EIF4A1: variants seen among roughly 807,000 people sequenced by gnomAD.
EIF4A1 encodes the protein eukaryotic initiation factor 4A-I.
A neutral mutation model predicts 53.5 loss-of-function variants in EIF4A1; 11 were observed. The ratio of observed to expected loss-of-function variants is 0.21; its 90% CI spans 0.13 to 0.34. EIF4A1 has a LOEUF of 0.34. Ranked by LOEUF, EIF4A1 falls within the 10% of genes least tolerant of loss-of-function variation. EIF4A1 has a pLI of 1.00. For synonymous variants in EIF4A1, 237 were observed against 186.7 expected (o/e 1.27, Z -2.20); for missense variants, 213 against 530.8 (o/e 0.40, Z 5.88).
At position 7,577,717 on chromosome 17, in the gene EIF4A1, C is replaced by T. The variant is rs2071420169; in HGVS notation, c.906+11C>T. 6.2e-7 allele frequency: 1 copy of T among 1,613,500 alleles called. No homozygotes were observed. The highest frequency in any genetic ancestry group is 8.5e-7 in the Non-Finnish European group (1 of 1,179,960). ...ACTGTATCCGCCATGGTGTGTTTGC[C>T]CGCTGCCAGCCTGTTGTGGGTCTGC... On this transcript the variant is annotated intron_variant, in intron 8 of 10. Transcript: ENST00000293831. This position sits in a 1 kb window ranked among gnomAD's most constrained non-coding sequence, Gnocchi z 4.7.
intron 5 of EIF4A1, 164 bp downstream of exon 5, chr17:7,576,856 C>A: frequency 7.1e-7 from 1 of 1,405,326 alleles, no homozygotes; most frequent in Non-Finnish European, 1.0e-6. Flanking sequence ...TCTGGCTTCC[C>A]TGCCAGTGCA....
At chr17:7,574,204 G>C (rs1429060474) in intron 1 of EIF4A1, 56 bp from the exon 2 acceptor site, 2 of 1,609,832 alleles carry the variant, frequency 1.2e-6, no homozygotes, top group African/African-American at 2.7e-5. Flanking sequence ...CCGGCTGTCA[G>C]GATTTCTGAG....
chr17:7,574,425 G>GGGAGGA, intron 2 of EIF4A1, 117 bp downstream of exon 2: 1 of 1,604,502 alleles, frequency 6.2e-7, no homozygotes, highest in African/African-American at 1.3e-5. Context: ...TTTCCCTAAA[G>GGGAGGA]GGAGGAGGGT....
At chr17:7,573,331 G>A (rs2071350917) in intron 1 of EIF4A1, 1 of 216,436 alleles carries the variant, frequency 4.6e-6, no homozygotes, top group African/African-American at 2.4e-5. Context: ...CAGTCACTTC[G>A]TCGCGGCTAA....
chr17:7,577,759 A>G lies in EIF4A1; in HGVS notation c.906+53A>G, dbSNP rs180694194. 188 of 1,613,404 alleles carry G rather than the reference A, an allele frequency of 1.2e-4. No homozygotes were observed. In the Middle Eastern group the frequency reaches 1.3e-3, roughly 11 times the overall value. On this transcript the variant is annotated intron_variant, in intron 8 of 10. Transcript: ENST00000293831. The surrounding 1 kb of genome is among the most constrained non-coding windows in gnomAD (Gnocchi z 4.7). ...TGGGTCTGCCCGTCAGAAGTGTCCT[A>G]CTTGAAGCCAGGGTTCCTGGAACCC...
chr17:7,576,298 A>G (rs1025431916), intron 4 of EIF4A1: 23 of 460,860 alleles, frequency 5.0e-5, no homozygotes, highest in Admixed American at 1.2e-4. Context: ...ATTGTGAATC[A>G]CTGTACACTC....
intron 4 of EIF4A1, 68 bp downstream of exon 4, chr17:7,575,326 A>G (rs1260845162): frequency 6.2e-7 from 1 of 1,606,360 alleles, no homozygotes; most frequent in South Asian, 1.1e-5. Context: ...CAAGGACCAG[A>G]GAAGTCTTCT....
At position 7,578,155 on chromosome 17, in the gene EIF4A1, C is replaced by T; in HGVS notation, c.997-10C>T. 1 of 1,614,168 alleles carries T rather than the reference C, an allele frequency of 6.2e-7. No individual in the cohort carries two copies. The highest frequency in any genetic ancestry group is 1.1e-5 in the South Asian group (1 of 91,084). On this transcript the variant is annotated splice_polypyrimidine_tract_variant and intron_variant, in intron 9 of 10. Transcript: ENST00000293831. ...GTGCACATGCTGAAGAGTTGTCTTT[C>T]TTGACGTAGGCCAGAGGCATTGATG...
chr17:7,577,208 T>C lies in EIF4A1; in HGVS notation c.624+43T>C. ...TGAATAGCTAATGATTCTTGAAAAA[T>C]AGTAAGTGCCAGGGGAACCATATAC... On this transcript the variant is annotated intron_variant, in intron 6 of 10. Coordinates refer to ENST00000293831, the MANE Select transcript of EIF4A1 (RefSeq NM_001416.4). This position sits in a 1 kb window ranked among gnomAD's most constrained non-coding sequence, Gnocchi z 4.7. 2 of 1,566,866 alleles carry C rather than the reference T, an allele frequency of 1.3e-6. No individual in the cohort carries two copies.
At position 7,578,474 on chromosome 17, in the gene EIF4A1, T is replaced by G; in HGVS notation, c.1209T>G (p.Ala403=). The change falls in exon 11 of 11, where the codon GCT becomes GCG. Residue 403 remains alanine, a synonymous_variant. Coordinates refer to ENST00000293831, the MANE Select transcript of EIF4A1 (RefSeq NM_001416.4). The part of the protein sequence containing the change: ...TSIEEMPLNV[A]DLI ...TTGAGGAAATGCCCCTCAATGTTGC[T>G]GACCTCATCTGAGGGGCTGTCCTGC... is the stretch of plus-strand genomic sequence containing the variant. 19 of 1,602,054 alleles carry G rather than the reference T, an allele frequency of 1.2e-5. No homozygotes were observed. Among genetic ancestry groups the G allele is most frequent in the Non-Finnish European group, 1.4e-5 (17 of 1,172,912 alleles).
rs189527959 is a variant in EIF4A1 at position 7,577,332 on chromosome 17, T to A, written c.625-12T>A. The A allele has an allele frequency of 3.8e-4, 611 of 1,613,930 alleles. 2 individuals carry two copies. The Middle Eastern group carries it at 4.0e-3, about 11-fold the overall frequency. ...GAACCAGCACTCTAAGACTGGCCTTTTTTTCCACTAGGTAGTTTTGCTGTC... is the reference window on the plus strand; with the variant it reads ...GAACCAGCACTCTAAGACTGGCCTTATTTTCCACTAGGTAGTTTTGCTGTC... On this transcript the variant is annotated splice_polypyrimidine_tract_variant and intron_variant, in intron 6 of 10. Coordinates refer to ENST00000293831, the MANE Select transcript of EIF4A1 (RefSeq NM_001416.4). The surrounding 1 kb of genome is among the most constrained non-coding windows in gnomAD (Gnocchi z 4.7).
intron 5 of EIF4A1, 167 bp from the exon 6 acceptor site, chr17:7,576,889 C>T: frequency 1.5e-6 from 2 of 1,336,442 alleles, no homozygotes; most frequent in South Asian, 2.4e-5. Flanking sequence ...TCCTACTTCC[C>T]AGGGCTGTTG....
At chr17:7,575,583 T>TG (rs1416996978) in intron 4 of EIF4A1, 9 of 431,536 alleles carry the variant, frequency 2.1e-5, no homozygotes, top group Admixed American at 1.7e-4. Flanking sequence ...TCAGAGCAGA[T>TG]GGACAGTCCT....
chr17:7,577,489 T>TG lies in EIF4A1; in HGVS notation c.768+6dup, dbSNP rs757995543. On this transcript the variant is annotated splice_region_variant and intron_variant, in intron 7 of 10. Coordinates refer to ENST00000293831, the MANE Select transcript of EIF4A1 (RefSeq NM_001416.4). The surrounding 1 kb of genome is among the most constrained non-coding windows in gnomAD (Gnocchi z 4.7). ...TTCTACATCAACGTGGAACGAGAGG[T>TG]GGGGCCCAGTGCAGGAGGCGGGCCT... 6.2e-6 allele frequency: 10 copies of TG among 1,613,554 alleles called. No homozygotes were observed. Among genetic ancestry groups the TG allele is most frequent in the Non-Finnish European group, 7.6e-6 (9 of 1,179,874 alleles).
In EIF4A1 at chr17:7,575,197, A is replaced by G. The variant is rs374811712; in HGVS notation, c.284A>G (p.Glu95Gly). ...GCCATATCGATTCTGCAGCAGATTGAATTAGATCTAAAAGCCACCCAGGCC... is the reference window on the plus strand; with the variant it reads ...GCCATATCGATTCTGCAGCAGATTGGATTAGATCTAAAAGCCACCCAGGCC... The part of the protein sequence containing the change: ...TFAISILQQI[E>G]LDLKATQALV... Residue 95 changes from glutamate (E) to glycine (G), a missense_variant, in exon 4 of 11, where the codon GAA (glutamate) becomes GGA (glycine). Transcript: ENST00000293831. 28 of 1,613,332 alleles carry G rather than the reference A, an allele frequency of 1.7e-5. No individual in the cohort carries two copies. In the African/African-American group the frequency reaches 3.7e-4, roughly 22 times the overall value.
At chr17:7,573,112 C>G in intron 1 of EIF4A1, 1 of 617,090 alleles carries the variant, frequency 1.6e-6, no homozygotes. Flanking sequence ...CGACCCGAGG[C>G]GGTGCCATGC....
intron 4 of EIF4A1, 158 bp downstream of exon 4, chr17:7,575,416 C>T (rs770034722): frequency 1.5e-5 from 17 of 1,108,250 alleles, no homozygotes; most frequent in Non-Finnish European, 1.5e-5. Context: ...CTATTTCTTA[C>T]CCAAACGTAA....
chr17:7,574,592 C>T lies in EIF4A1; in HGVS notation c.119C>T (p.Ser40Leu), dbSNP rs1036532248. 10 of 1,612,164 alleles carry T rather than the reference C, an allele frequency of 6.2e-6. No individual in the cohort carries two copies. Among genetic ancestry groups the T allele is most frequent in the Admixed American group, 1.7e-5 (1 of 59,998 alleles). ...GACAGCTTTGATGACATGAACCTCT[C>T]GGAGTCCCTTCTCCGTGGCATCTAC... ...IVDSFDDMNL[S>L]ESLLRGIYAY... is the part of the protein sequence containing the mutation. The change falls in exon 3 of 11, where the codon TCG (serine) becomes TTG (leucine). Residue 40 changes from serine (S) to leucine (L), a missense_variant. By Grantham distance (145) the Ser-to-Leu change is moderately radical. Transcript: ENST00000293831.
chr17:7,577,271 T>C lies in EIF4A1; in HGVS notation c.625-73T>C. On this transcript the variant is annotated intron_variant, in intron 6 of 10. Coordinates refer to ENST00000293831, the MANE Select transcript of EIF4A1 (RefSeq NM_001416.4). The surrounding 1 kb of genome is among the most constrained non-coding windows in gnomAD (Gnocchi z 4.7). ...CCTTTTTATGCATCTGCTTCAGTTT[T>C]AGGTGTGGCTAGGGAAGGGAGCAGG... is the stretch of plus-strand genomic sequence containing the variant. 1 of 1,587,552 alleles carries C rather than the reference T, an allele frequency of 6.3e-7. No homozygotes were observed. The highest frequency in any genetic ancestry group is 8.6e-7 in the Non-Finnish European group (1 of 1,167,214).
Sources: allele counts gnomAD v4.1 joint callset, GRCh38; gene constraint gnomAD v4.1.1; non-coding constraint Gnocchi (gnomAD v3.1); transcripts MANE v1.5; gene names NCBI Gene and HGNC (gene_info 2026-07-23, HGNC 2026-07-21).